LAMP5: variants seen among roughly 807,000 people sequenced by gnomAD.
LAMP5 encodes lysosome associated membrane protein 5.
LAMP5 carries 36 observed loss-of-function variants against 30.2 expected under a neutral mutation model. The ratio of observed to expected loss-of-function variants is 1.19; its 90% CI spans 0.91 to 1.57. The LOEUF is 1.57. Ranked by LOEUF, LAMP5 falls within the 40% of genes most tolerant of loss-of-function variation. LAMP5 has a pLI of 0.00. For missense variants in LAMP5, 377 were observed against 354.9 expected (o/e 1.06, Z -0.50); for synonymous variants, 149 against 134.6 (o/e 1.11, Z -0.74).
In LAMP5 at chr20:9,516,829, C is replaced by T. The variant is rs1010022127; in HGVS notation, c.475+468C>T. On this transcript the variant is annotated intron_variant, in intron 4 of 5. Coordinates refer to ENST00000246070, the MANE Select transcript of LAMP5 (RefSeq NM_012261.4). ...TCTTTTTGCGCATGGCAGCATGGCT[C>T]GCACGGGATATTCAGTCATCGACTG... is the stretch of plus-strand genomic sequence containing the variant. Among the ~76,000 whole-genome samples the T allele has an allele frequency of 9.9e-5, 15 of 152,108 alleles. No homozygotes were observed. In the South Asian group the frequency reaches 2.9e-3, roughly 30 times the overall value.
At chr20:9,519,081 C>T (rs1437990936) in intron 5 of LAMP5, among the ~76,000 whole-genome samples, 1 of 152,178 alleles carries the variant, frequency 6.6e-6, no homozygotes, top group East Asian at 1.9e-4. Context: ...CAAGGGGAGT[C>T]AAAACCTCTG....
intron 5 of LAMP5, among the ~76,000 whole-genome samples, chr20:9,528,717 T>G (rs755442819): frequency 1.3e-5 from 2 of 152,210 alleles, no homozygotes; most frequent in Non-Finnish European, 2.9e-5. Context: ...TAGATCAAGA[T>G]CTACAATATT....
In LAMP5 at chr20:9,514,610, AGCCGTGGACCGCCGT is replaced by A. The variant is rs2045019572; in HGVS notation, c.-240_-226del. 9 of 540,616 alleles carry A rather than the reference AGCCGTGGACCGCCGT, an allele frequency of 1.7e-5. No homozygotes were observed. The highest frequency in any genetic ancestry group is 3.3e-6 in the Non-Finnish European group (1 of 303,378). 33.5% of individuals were successfully genotyped at this position (540,616 alleles called of 1,614,324 possible). A position where few individuals can be genotyped will look rare whatever the true frequency, so the allele number is the denominator to read the frequency against. The stretch of plus-strand genomic sequence containing the variant: ...CAATCGGATTGCTTTCAGCACTCGC[AGCCGTGGACCGCCGT>A]GCGGTCCTTTCCTCCGCAGTGAGCC... On this transcript the variant is annotated 5_prime_UTR_variant, in exon 1 of 6. Coordinates refer to ENST00000246070, the MANE Select transcript of LAMP5 (RefSeq NM_012261.4).
intron 5 of LAMP5, among the ~76,000 whole-genome samples, chr20:9,526,901 T>TATAC (rs1484307399): frequency 1.4e-3 from 156 of 114,292 alleles, no homozygotes; most frequent in Non-Finnish European, 1.5e-3. Flanking sequence ...TATATATATA[T>TATAC]ACACACACAT....
rs572647446 is a variant in LAMP5 at position 9,514,649 on chromosome 20, C to A, written c.-204C>A. ...GTGCGGTCCTTTCCTCCGCAGTGAG[C>A]CGATTTGCTCTGCCAGCAGCTGTCG... On this transcript the variant is annotated 5_prime_UTR_variant, in exon 1 of 6. Coordinates refer to ENST00000246070, the MANE Select transcript of LAMP5 (RefSeq NM_012261.4). 7 of 517,012 alleles carry A rather than the reference C, an allele frequency of 1.4e-5. No homozygotes were observed. Among genetic ancestry groups the A allele is most frequent in the Non-Finnish European group, 2.4e-5 (7 of 286,020 alleles). 32.0% of individuals were successfully genotyped at this position (517,012 alleles called of 1,614,324 possible).
Position 9,514,633 on chromosome 20 carries a change from T to G in LAMP5, c.-220T>G. ...GCAGCCGTGGACCGCCGTGCGGTCCTTTCCTCCGCAGTGAGCCGATTTGCT... is the reference window on the plus strand; with the variant it reads ...GCAGCCGTGGACCGCCGTGCGGTCCGTTCCTCCGCAGTGAGCCGATTTGCT... On this transcript the variant is annotated 5_prime_UTR_variant, in exon 1 of 6. Transcript: ENST00000246070. 1.8e-5 allele frequency: 8 copies of G among 453,410 alleles called. No individual in the cohort carries two copies. The highest frequency in any genetic ancestry group is 2.8e-5 in the Non-Finnish European group (7 of 246,870). The allele number at this position is 453,410 out of a possible 1,614,324, so 28.1% of individuals were successfully genotyped here. A position where few individuals can be genotyped will look rare whatever the true frequency, so the allele number is the denominator to read the frequency against.
chr20:9,515,404 C>G, intron 1 of LAMP5, 49 bp from the exon 2 acceptor site: 2 of 1,563,178 alleles, frequency 1.3e-6, no homozygotes, highest in Non-Finnish European at 1.7e-6. Context: ...GCGCCCGAGA[C>G]GCGTGGGCTG....
At chr20:9,517,954 G>C (rs2045052594) in intron 4 of LAMP5, 86 bp from the exon 5 acceptor site, 1 of 1,221,860 alleles carries the variant, frequency 8.2e-7, no homozygotes, top group Non-Finnish European at 1.2e-6. Flanking sequence ...TGTGGTGTCT[G>C]GAACTGAGAG....
chr20:9,518,063 C>T lies in LAMP5; in HGVS notation c.499C>T (p.His167Tyr), dbSNP rs763284065. The change falls in exon 5 of 6, where the codon CAC (histidine) becomes TAC (tyrosine). Residue 167 changes from histidine (H) to tyrosine (Y), a missense_variant. Coordinates refer to ENST00000246070, the MANE Select transcript of LAMP5 (RefSeq NM_012261.4). ...VSAGKHTANS[H>Y]HLSALVTPAG... ...AGCTGGGAAGCACACAGCCAACTCG[C>T]ACCACCTCTCTGCCTTGGTCACCCC... The T allele has an allele frequency of 6.8e-6, 11 of 1,613,812 alleles. No homozygotes were observed. The highest frequency in any genetic ancestry group is 1.1e-5 in the South Asian group (1 of 91,062).
At chr20:9,525,618 A>G (rs912231776) in intron 5 of LAMP5, among the ~76,000 whole-genome samples, 1 of 152,214 alleles carries the variant, frequency 6.6e-6, no homozygotes, top group Admixed American at 6.5e-5. Context: ...CTACAGCTAT[A>G]TCTAACTATA....
At chr20:9,517,589 G>A (rs1190787887) in intron 4 of LAMP5, among the ~76,000 whole-genome samples, 2 of 137,766 alleles carry the variant, frequency 1.5e-5, no homozygotes, top group East Asian at 2.1e-4. Context: ...CTACAGGCAT[G>A]TGTCACCATG....
At chr20:9,526,585 T>C (rs1015200095) in intron 5 of LAMP5, among the ~76,000 whole-genome samples, 1 of 152,184 alleles carries the variant, frequency 6.6e-6, no homozygotes, top group Admixed American at 6.5e-5. Context: ...TCTCAGGTCC[T>C]GTCCCTGGAG....
At chr20:9,527,782 T>C (rs2045123985) in intron 5 of LAMP5, among the ~76,000 whole-genome samples, 1 of 152,124 alleles carries the variant, frequency 6.6e-6, no homozygotes, top group Non-Finnish European at 1.5e-5. Flanking sequence ...CCAAGAATAG[T>C]TTTTTGTTGA....
At chr20:9,518,437 G>A (rs62193581) in intron 5 of LAMP5, among the ~76,000 whole-genome samples, 8,865 of 152,166 alleles carry the variant, frequency 0.058, 309 homozygotes, top group Admixed American at 0.085. Flanking sequence ...CTCCCTCCCA[G>A]CCTCCTCCCC....
intron 3 of LAMP5, 40 bp from the exon 4 acceptor site, chr20:9,516,216 G>C (rs764412045): frequency 6.2e-7 from 1 of 1,608,462 alleles, no homozygotes; most frequent in African/African-American, 1.4e-5. Flanking sequence ...GAACCCAGAC[G>C]CTGCGGGGAC....
chr20:9,529,123 G>A (rs1340793737), intron 5 of LAMP5, among the ~76,000 whole-genome samples: 2 of 152,254 alleles, frequency 1.3e-5, no homozygotes, highest in Admixed American at 6.5e-5. Context: ...CTAAGAATGG[G>A]ATGCTGGGTA....
intron 5 of LAMP5, among the ~76,000 whole-genome samples, chr20:9,522,314 A>C (rs544998335): frequency 3.5e-4 from 54 of 152,298 alleles, no homozygotes; most frequent in African/African-American, 1.2e-3. Flanking sequence ...CATGGCTGAC[A>C]TTTCTCTATA....
At chr20:9,515,941 T>G in intron 2 of LAMP5, 59 bp from the exon 3 acceptor site, 1 of 1,435,946 alleles carries the variant, frequency 7.0e-7, no homozygotes, top group Non-Finnish European at 9.1e-7. Flanking sequence ...CGCCGCCCTT[T>G]ACAGCCCCCG....
intron 3 of LAMP5, 35 bp from the exon 4 acceptor site, chr20:9,516,221 G>A (rs1441177121): frequency 1.2e-6 from 2 of 1,613,126 alleles, no homozygotes; most frequent in South Asian, 2.2e-5. Flanking sequence ...CAGACGCTGC[G>A]GGGACGATTG....
Sources: allele counts gnomAD v4.1 joint callset (sites outside exome capture counted in the v4.1 genomes callset), GRCh38; gene constraint gnomAD v4.1.1; transcripts MANE v1.5; gene names NCBI Gene and HGNC (gene_info 2026-07-23, HGNC 2026-07-21).